Variants in CSMD1 observed in about 807,000 individuals in gnomAD.
CSMD1 encodes CUB and Sushi multiple domains 1.
Under a neutral mutation model 417.5 loss-of-function variants are expected in CSMD1, and 213 were observed. That is an observed-to-expected ratio of 0.51 (90% CI 0.46 to 0.57). The LOEUF (loss-of-function observed/expected upper bound fraction) is 0.57, where lower values mean the gene tolerates loss of function less well. CSMD1 is among the 20% of genes least tolerant of loss of function. The pLI, the probability that CSMD1 is intolerant of heterozygous loss-of-function variation, is 0.00. For missense variants in CSMD1, 6,923 were observed against 4,529.7 expected (o/e 1.53, Z -15.17); for synonymous variants, 2,862 against 1,736.8 (o/e 1.65, Z -16.11).
chr8:3,836,823 A>G (rs1178131159), intron 5 of CSMD1, among the ~76,000 whole-genome samples: 2 of 152,172 alleles, frequency 1.3e-5, no homozygotes, highest in Non-Finnish European at 2.9e-5. Context: ...ATAATTTTAT[A>G]ACTCAATTAA....
At chr8:4,059,901 C>G (rs1235656972) in intron 3 of CSMD1, among the ~76,000 whole-genome samples, 1 of 151,572 alleles carries the variant, frequency 6.6e-6, no homozygotes, top group African/African-American at 2.4e-5. Context: ...TGAAACTATT[C>G]CAATCAATAG....
intron 5 of CSMD1, among the ~76,000 whole-genome samples, chr8:3,802,237 G>C (rs1470590843): frequency 1.3e-5 from 2 of 152,090 alleles, no homozygotes; most frequent in African/African-American, 4.8e-5. Context: ...ATACATGATA[G>C]AGGCATAAAA....
chr8:4,520,866 T>C (rs573851142), intron 2 of CSMD1, among the ~76,000 whole-genome samples: 3 of 152,204 alleles, frequency 2.0e-5, no homozygotes, highest in Non-Finnish European at 2.9e-5. Context: ...TAATAGACTC[T>C]ATTATAACTT....
At chr8:3,533,348 A>T (rs756714682) in intron 10 of CSMD1, among the ~76,000 whole-genome samples, 9 of 152,168 alleles carry the variant, frequency 5.9e-5, no homozygotes, top group Non-Finnish European at 1.0e-4. Context: ...GAACTTATTC[A>T]TCTTACATAA....
At chr8:3,262,073 A>C (rs1801107290) in intron 26 of CSMD1, among the ~76,000 whole-genome samples, 1 of 151,656 alleles carries the variant, frequency 6.6e-6, no homozygotes, top group African/African-American at 2.4e-5. Flanking sequence ...ACCCCAAAGT[A>C]AAACAAGTTC....
intron 2 of CSMD1, among the ~76,000 whole-genome samples, chr8:4,497,907 C>A (rs924323306): frequency 6.6e-6 from 1 of 152,106 alleles, no homozygotes; most frequent in South Asian, 2.1e-4. Flanking sequence ...ATGCATGGTG[C>A]CTTCAAGAAG....
At chr8:4,046,166 C>G (rs1798135872) in intron 3 of CSMD1, among the ~76,000 whole-genome samples, 1 of 151,936 alleles carries the variant, frequency 6.6e-6, no homozygotes, top group Non-Finnish European at 1.5e-5. Context: ...TATATACACA[C>G]ACAATTTATA....
chr8:4,536,796 G>A lies in CSMD1; in HGVS notation c.302+100546C>T, dbSNP rs543034412. 5.9e-5 allele frequency among the ~76,000 whole-genome samples: 9 copies of A among 152,328 alleles called. No homozygotes were observed. The South Asian group carries it at 1.9e-3, about 32-fold the overall frequency. ...TCTGCTGTGTCAGATCATAGCACCT[G>A]TATCATTTTATTAACATGCGGCCAA... On this transcript the variant is annotated intron_variant, in intron 2 of 69. Coordinates refer to ENST00000635120, the MANE Select transcript of CSMD1 (RefSeq NM_033225.6).
chr8:3,463,120 G>C (rs1816611423), intron 12 of CSMD1, among the ~76,000 whole-genome samples: 1 of 152,152 alleles, frequency 6.6e-6, no homozygotes, highest in Non-Finnish European at 1.5e-5. Context: ...TTGTCGCCAA[G>C]CCAACTCTAT....
At chr8:4,500,588 G>C (rs1802211341) in intron 2 of CSMD1, among the ~76,000 whole-genome samples, 2 of 152,098 alleles carry the variant, frequency 1.3e-5, no homozygotes, top group Non-Finnish European at 2.9e-5. Context: ...CAGGATAGCT[G>C]TTCTAATGGC....
At chr8:3,387,707 C>T (rs761957090) in intron 17 of CSMD1, 25 bp from the exon 18 acceptor site, 16 of 1,558,690 alleles carry the variant, frequency 1.0e-5, no homozygotes, top group African/African-American at 1.4e-5. Context: ...CGAATGCAGT[C>T]GATGAGGATC....
intron 1 of CSMD1, among the ~76,000 whole-genome samples, chr8:4,785,830 C>A (rs924467828): frequency 4.6e-5 from 7 of 152,278 alleles, no homozygotes; most frequent in South Asian, 2.1e-4. Context: ...GAAACTGTCA[C>A]TTGGAAATGA....
At chr8:3,329,009 G>A (rs959119238) in intron 23 of CSMD1, among the ~76,000 whole-genome samples, 3 of 152,108 alleles carry the variant, frequency 2.0e-5, no homozygotes, top group African/African-American at 4.8e-5. Flanking sequence ...GCATCAGGAA[G>A]AACCTAGGGC....
chr8:3,629,462 A>C (rs1796665629), intron 7 of CSMD1, among the ~76,000 whole-genome samples: 1 of 152,176 alleles, frequency 6.6e-6, no homozygotes, highest in Admixed American at 6.5e-5. Flanking sequence ...TATTGGGAAA[A>C]TTTAATGACA....
At chr8:3,492,041 G>C (rs559026833) in intron 11 of CSMD1, among the ~76,000 whole-genome samples, 2 of 152,168 alleles carry the variant, frequency 1.3e-5, no homozygotes, top group South Asian at 2.1e-4. Flanking sequence ...ATGAGGAAAA[G>C]GATTAATCAG....
chr8:4,959,532 T>C (rs946706225), intron 1 of CSMD1, among the ~76,000 whole-genome samples: 3 of 152,228 alleles, frequency 2.0e-5, no homozygotes, highest in Non-Finnish European at 2.9e-5. Flanking sequence ...TTCCAGCTGC[T>C]CCATGGTGAC....
intron 6 of CSMD1, among the ~76,000 whole-genome samples, chr8:3,717,320 CA>C (rs1185541715): frequency 6.6e-6 from 1 of 152,110 alleles, no homozygotes; most frequent in African/African-American, 2.4e-5. Flanking sequence ...ACTTGTATGT[CA>C]GTTGTTTAAA....
chr8:4,707,886 C>A (rs1476054769), intron 1 of CSMD1, among the ~76,000 whole-genome samples: 1 of 100,844 alleles, frequency 9.9e-6, no homozygotes, highest in African/African-American at 3.6e-5. Flanking sequence ...GACTTTGTTT[C>A]AAAAAAAAAA....
intron 2 of CSMD1, among the ~76,000 whole-genome samples, chr8:4,431,640 A>T (rs1422004644): frequency 6.6e-6 from 1 of 152,200 alleles, no homozygotes; most frequent in Non-Finnish European, 1.5e-5. Flanking sequence ...CAAACAAAAA[A>T]CAGAGGCTAA....
Sources: allele counts gnomAD v4.1 joint callset (sites outside exome capture counted in the v4.1 genomes callset), GRCh38; gene constraint gnomAD v4.1.1; transcripts MANE v1.5; gene names NCBI Gene and HGNC (gene_info 2026-07-23, HGNC 2026-07-21).